The following TACR3 variants were observed in gnomAD, a reference collection of about 807,000 sequenced individuals.
The protein encoded by TACR3 is neuromedin-K receptor.
A neutral mutation model predicts 35.0 loss-of-function variants in TACR3; 34 were observed. The observed-to-expected ratio is 0.97, with a 90% confidence interval of 0.74 to 1.30. The LOEUF is 1.30. TACR3 is among the 50% of genes most tolerant of loss of function. TACR3 has a pLI of 0.00. For synonymous variants in TACR3, 233 were observed against 221.1 expected, an observed-to-expected ratio of 1.05 and a Z score of -0.48; for missense variants, 558 against 591.7, an observed-to-expected ratio of 0.94 and a Z score of 0.59.
intron 3 of TACR3, among the ~76,000 whole-genome samples, chr4:103,600,244 G>GTATTTATAGTTTATTTCT (rs1428817773): frequency 2.0e-5 from 3 of 152,192 alleles, no homozygotes; most frequent in Non-Finnish European, 4.4e-5. Flanking sequence ...TATTTGCATA[G>GTATTTATAGTTTATTTCT]AGGTATTTAT....
At chr4:103,605,992 A>G (rs555322855) in intron 3 of TACR3, among the ~76,000 whole-genome samples, 2,441 of 151,774 alleles carry the variant, frequency 0.016, 57 homozygotes, top group African/African-American at 0.056. Flanking sequence ...ATCTTGAATT[A>G]ATTTTTGTAT....
intron 1 of TACR3, among the ~76,000 whole-genome samples, chr4:103,671,050 A>G (rs1273269681): frequency 6.6e-6 from 1 of 151,942 alleles, no homozygotes; most frequent in Non-Finnish European, 1.5e-5. Context: ...ATGCTTTTTT[A>G]GCATCTTCTG....
At chr4:103,683,494 A>AAAG (rs1722150904) in intron 1 of TACR3, among the ~76,000 whole-genome samples, 2 of 132,770 alleles carry the variant, frequency 1.5e-5, no homozygotes, top group African/African-American at 3.5e-5. Flanking sequence ...AAAAAAAAAA[A>AAAG]AGAGAGAGAG....
rs79905523 is a variant in TACR3 at position 103,601,206 on chromosome 4, A to G, written c.889-9523T>C. ...TTGTTGAATTGATCCCTTTACCATTATGTAATGGCCTTTTTTTGTTTTCCA... is the reference window on the plus strand; with the variant it reads ...TTGTTGAATTGATCCCTTTACCATTGTGTAATGGCCTTTTTTTGTTTTCCA... On this transcript the variant is annotated intron_variant, in intron 3 of 4. Transcript: ENST00000304883. Among the ~76,000 whole-genome samples the G allele has an allele frequency of 7.0e-3, 1,062 of 151,970 alleles. 61 individuals are homozygous for G. The East Asian group carries it at 0.14, about 20-fold the overall frequency.
At chr4:103,648,504 T>C (rs949375632) in intron 3 of TACR3, among the ~76,000 whole-genome samples, 3 of 152,066 alleles carry the variant, frequency 2.0e-5, no homozygotes, top group Non-Finnish European at 4.4e-5. Flanking sequence ...ATTATTTTCA[T>C]TTCTAGCTCC....
At chr4:103,690,350 GA>G (rs1211497085) in intron 1 of TACR3, among the ~76,000 whole-genome samples, 1 of 151,984 alleles carries the variant, frequency 6.6e-6, no homozygotes, top group African/African-American at 2.4e-5. Flanking sequence ...AAAAATACAA[GA>G]AATGAAGTGG....
rs1459457982 is a variant in TACR3, at chr4:103,658,294, G to A, written c.658C>T (p.Leu220Phe). 1 of 1,613,942 alleles carries A rather than the reference G, an allele frequency of 6.2e-7. No homozygotes were observed. Among genetic ancestry groups the A allele is most frequent in the South Asian group, 1.1e-5 (1 of 91,076 alleles). Residue 220 changes from leucine (L) to phenylalanine (F), a missense_variant, in exon 2 of 5, where the codon CTT becomes TTT. Physicochemically the swap from Leu to Phe is conservative, Grantham distance 22. Transcript: ENST00000304883. ...GGCATGACTTTGGTTTTGGAATAAA[G>A]ACACTGAGGGAAGGCAAGTAGAAAT... is the stretch of plus-strand genomic sequence containing the variant. ...LAFLLAFPQC[L>F]YSKTKVMPGR...
chr4:103,691,009 C>T (rs76349406), intron 1 of TACR3, among the ~76,000 whole-genome samples: 3,289 of 152,150 alleles, frequency 0.022, 126 homozygotes, highest in African/African-American at 0.074. Flanking sequence ...TTGGAACAAG[C>T]GCAACTCTCA....
At chr4:103,687,618 G>A (rs1722280803) in intron 1 of TACR3, among the ~76,000 whole-genome samples, 1 of 152,006 alleles carries the variant, frequency 6.6e-6, no homozygotes, top group Non-Finnish European at 1.5e-5. Context: ...CAAACAGAGA[G>A]CCAAATCATG....
chr4:103,611,139 T>C (rs1447300353), intron 3 of TACR3, among the ~76,000 whole-genome samples: 3 of 152,176 alleles, frequency 2.0e-5, no homozygotes, highest in African/African-American at 7.2e-5. Context: ...TTTAGGATTG[T>C]TTTTCCTATT....
At chr4:103,596,233 C>A (rs1399478583) in intron 3 of TACR3, among the ~76,000 whole-genome samples, 1 of 151,748 alleles carries the variant, frequency 6.6e-6, no homozygotes, top group Non-Finnish European at 1.5e-5. Flanking sequence ...GTCTTTATAG[C>A]AGCATAATTT....
At chr4:103,654,694 A>G (rs1013447382) in intron 3 of TACR3, among the ~76,000 whole-genome samples, 11 of 147,976 alleles carry the variant, frequency 7.4e-5, no homozygotes, top group South Asian at 2.1e-4. Flanking sequence ...CTTAAAGTAT[A>G]ATAATAATAA....
At chr4:103,630,407 C>T (rs967169239) in intron 3 of TACR3, among the ~76,000 whole-genome samples, 8 of 152,182 alleles carry the variant, frequency 5.3e-5, no homozygotes, top group African/African-American at 1.9e-4. Flanking sequence ...AGGCAACTTA[C>T]AGAGTGTGAG....
chr4:103,714,480 A>C (rs188900397), intron 1 of TACR3, among the ~76,000 whole-genome samples: 1 of 152,306 alleles, frequency 6.6e-6, no homozygotes, highest in African/African-American at 2.4e-5. Context: ...ATTGAATGAG[A>C]ATTACAAATT....
chr4:103,674,916 C>T (rs1389572465), intron 1 of TACR3, among the ~76,000 whole-genome samples: 1 of 152,088 alleles, frequency 6.6e-6, no homozygotes, highest in African/African-American at 2.4e-5. Flanking sequence ...CAATTATGGA[C>T]ATTAAAATTC....
intron 3 of TACR3, among the ~76,000 whole-genome samples, chr4:103,636,399 T>C (rs1215893191): frequency 6.6e-6 from 1 of 152,010 alleles, no homozygotes; most frequent in East Asian, 1.9e-4. Flanking sequence ...AAGTTGACTC[T>C]GGTACTTAGA....
At chr4:103,712,761 C>T (rs1428197596) in intron 1 of TACR3, among the ~76,000 whole-genome samples, 1 of 152,136 alleles carries the variant, frequency 6.6e-6, no homozygotes, top group Admixed American at 6.5e-5. Flanking sequence ...CTACAAAGAA[C>T]TCAAACAAAT....
intron 3 of TACR3, among the ~76,000 whole-genome samples, chr4:103,642,288 AATT>A (rs141894137): frequency 0.015 from 2,210 of 151,508 alleles, 24 homozygotes; most frequent in Admixed American, 0.022. Context: ...AAGTGTATAA[AATT>A]ATTATTTGTC....
chr4:103,675,509 G>A (rs979786754), intron 1 of TACR3, among the ~76,000 whole-genome samples: 17 of 152,120 alleles, frequency 1.1e-4, no homozygotes, highest in Admixed American at 2.6e-4. Flanking sequence ...CAAAGTTATC[G>A]GTAGACTTCA....
Sources: gnomAD v4.1 joint callset for allele counts (sites outside exome capture counted in the v4.1 genomes callset) on GRCh38, gnomAD v4.1.1 for gene constraint, MANE v1.5 for transcripts, NCBI Gene and HGNC (gene_info 2026-07-23, HGNC 2026-07-21) for gene names.